EPSTI1: variants seen among roughly 807,000 people sequenced by gnomAD.
The protein encoded by EPSTI1 is epithelial-stromal interaction protein 1.
Under a neutral mutation model 49.9 loss-of-function variants are expected in EPSTI1, and 66 were observed. The observed-to-expected ratio is 1.32, with a 90% CI of 1.08 to 1.62. EPSTI1 has a LOEUF of 1.62. Ranked by LOEUF, EPSTI1 falls within the 40% of genes most tolerant of loss-of-function variation. The pLI, the probability that EPSTI1 is intolerant of heterozygous loss-of-function variation, is 0.00. For missense variants in EPSTI1, 394 were observed against 365.5 expected, an observed-to-expected ratio of 1.08 and a Z score of -0.64; for synonymous variants, 137 against 130.7, an observed-to-expected ratio of 1.05 and a Z score of -0.33.
rs755335252 is a variant in EPSTI1, at chr13:42,992,207, G to A, written c.-42C>T. 4.7e-6 allele frequency: 7 copies of A among 1,498,102 alleles called. No homozygotes were observed. Among genetic ancestry groups the A allele is most frequent in the Non-Finnish European group, 6.2e-6 (7 of 1,123,348 alleles). The allele number at this position is 1,498,102 out of a possible 1,614,324, so 92.8% of individuals were successfully genotyped here. ...GTCCCGGGCCGCCGTCGCTGCGGGA[G>A]GGATGCGGCTGGGACGCTTAGCGAG... On this transcript the variant is annotated 5_prime_UTR_variant, in exon 1 of 11. Coordinates refer to ENST00000313624, the MANE Select transcript of EPSTI1 (RefSeq NM_033255.5).
chr13:42,971,202 G>C (rs2039758855), intron 1 of EPSTI1, among the ~76,000 whole-genome samples: 1 of 152,090 alleles, frequency 6.6e-6, no homozygotes, highest in African/African-American at 2.4e-5. Context: ...CATAATCAGG[G>C]GCTCGGAGAA....
At chr13:42,940,797 T>C (rs1039077030) in intron 6 of EPSTI1, among the ~76,000 whole-genome samples, 1 of 152,234 alleles carries the variant, frequency 6.6e-6, no homozygotes, top group African/African-American at 2.4e-5. Flanking sequence ...TATCAATCCA[T>C]TGATATTTTT....
chr13:42,938,525 C>G (rs1001047085), intron 6 of EPSTI1, among the ~76,000 whole-genome samples: 7 of 152,074 alleles, frequency 4.6e-5, no homozygotes, highest in African/African-American at 1.7e-4. Context: ...AAAAGTTAGC[C>G]TGTCCTTAGA....
intron 3 of EPSTI1, among the ~76,000 whole-genome samples, chr13:42,965,124 G>A (rs573712102): frequency 6.6e-6 from 1 of 152,228 alleles, no homozygotes; most frequent in Admixed American, 6.5e-5. Context: ...AAAACAGTAA[G>A]GAATGTTGAC....
chr13:42,979,937 A>G (rs1350659480), intron 1 of EPSTI1, among the ~76,000 whole-genome samples: 1 of 152,032 alleles, frequency 6.6e-6, no homozygotes, highest in Non-Finnish European at 1.5e-5. Flanking sequence ...CCTAGATCCA[A>G]TTATGGATTA....
chr13:42,959,773 A>C (rs1180474258), intron 5 of EPSTI1, among the ~76,000 whole-genome samples: 2 of 152,200 alleles, frequency 1.3e-5, no homozygotes, highest in Non-Finnish European at 2.9e-5. Flanking sequence ...TGAGGTTATG[A>C]TACCAAGAGG....
intron 1 of EPSTI1, among the ~76,000 whole-genome samples, chr13:42,974,786 T>C (rs2039849073): frequency 6.6e-6 from 1 of 152,218 alleles, no homozygotes; most frequent in African/African-American, 2.4e-5. Flanking sequence ...TATGTTGAAG[T>C]TATCAAAAAT....
intron 7 of EPSTI1, among the ~76,000 whole-genome samples, chr13:42,919,836 C>T (rs930584215): frequency 6.6e-6 from 1 of 152,180 alleles, no homozygotes; most frequent in African/African-American, 2.4e-5. Context: ...TTTGCTAGGG[C>T]TTCCATAACA....
rs2039188237 is a variant in EPSTI1 at position 42,954,134 on chromosome 13, A to AT, written c.490-114dup. On this transcript the variant is annotated intron_variant, in intron 5 of 10. Coordinates refer to ENST00000313624, the MANE Select transcript of EPSTI1 (RefSeq NM_033255.5). ...AGGTTCAACTGGCCTTGATAGTCTA[A>AT]TACAGTATCCTGCTAGAGGCTCCAA... 3 of 783,570 alleles carry AT rather than the reference A, an allele frequency of 3.8e-6. No individual in the cohort carries two copies. The South Asian group carries it at 5.4e-5, about 14-fold the overall frequency. 48.5% of individuals were successfully genotyped at this position (783,570 alleles called of 1,614,324 possible).
chr13:42,900,283 G>A (rs149173137), intron 9 of EPSTI1, 27 bp downstream of exon 9: 18,288 of 1,597,504 alleles, frequency 0.011, 144 homozygotes, highest in Non-Finnish European at 0.012. Context: ...TTTAACCAAG[G>A]ATGCTTATTT....
At position 42,971,722 on chromosome 13, in the gene EPSTI1, T is replaced by G. The variant is rs2039772655; in HGVS notation, c.189-1052A>C. Among the ~76,000 whole-genome samples the G allele has an allele frequency of 2.0e-5, 3 of 152,236 alleles. No homozygotes were observed. The South Asian group carries it at 6.2e-4, about 32-fold the overall frequency. ...ATTGAACTGTAGAGGCCAAAAGCAC[T>G]GATCAACAGAAGCCATTTCCTTCCT... On this transcript the variant is annotated intron_variant, in intron 1 of 10. Transcript: ENST00000313624.
chr13:42,913,149 T>TA lies in EPSTI1; in HGVS notation c.741+4391dup, dbSNP rs202137916. Among the ~76,000 whole-genome samples the TA allele has an allele frequency of 2.9e-4, 43 of 148,550 alleles. 1 individual carries two copies. The highest frequency in any genetic ancestry group is 4.7e-4 in the African/African-American group (19 of 40,624). On this transcript the variant is annotated intron_variant, in intron 8 of 10. Coordinates refer to ENST00000313624, the MANE Select transcript of EPSTI1 (RefSeq NM_033255.5). ...AATAAAACAGAGAATTCAGTGTCAG[T>TA]AAAAAAAAAGAAAACTAATAAAAAG...
chr13:42,942,849 C>T (rs976855247), intron 6 of EPSTI1, among the ~76,000 whole-genome samples: 122 of 151,484 alleles, frequency 8.1e-4, no homozygotes, highest in Non-Finnish European at 1.0e-3. Flanking sequence ...CCACCGCGCC[C>T]GGCTAATTTT....
Position 42,953,961 on chromosome 13 carries a change from C to G in EPSTI1, c.550G>C (p.Glu184Gln). The G allele has an allele frequency of 6.2e-7, 1 of 1,612,882 alleles. No homozygotes were observed. Among genetic ancestry groups the G allele is most frequent in the Non-Finnish European group, 8.5e-7 (1 of 1,179,804 alleles). ...ACATTAACTTACTATTGCTGATGCT[C>G]TCTAAATGCTTCTCTTCTAAGGTTT... is the stretch of plus-strand genomic sequence containing the variant. The part of the protein sequence containing the change: ...QENLRREAFR[E>Q]HQQYKTAEFL... The change falls in exon 6 of 11, where the codon GAG (glutamate) becomes CAG (glutamine). Residue 184 changes from glutamate to glutamine, a missense_variant. Transcript: ENST00000313624.
At chr13:42,977,225 A>T (rs1321902860) in intron 1 of EPSTI1, among the ~76,000 whole-genome samples, 3 of 152,240 alleles carry the variant, frequency 2.0e-5, no homozygotes, top group Admixed American at 1.3e-4. Context: ...CTGAGACAAC[A>T]TAATCATATG....
Position 42,886,859 on chromosome 13 carries a change from G to GAA in EPSTI1, c.*1633_*1634dup, listed in dbSNP as rs2153406240. The GAA allele has an allele frequency of 6.6e-6, 1 of 152,302 alleles. No individual in the cohort carries two copies. The highest frequency in any genetic ancestry group is 1.9e-4 in the East Asian group (1 of 5,188). 9.4% of individuals were successfully genotyped at this position (152,302 alleles called of 1,614,324 possible). On this transcript the variant is annotated 3_prime_UTR_variant, in exon 11 of 11. Transcript: ENST00000313624. ...GCAGGGTAGGCCAGGCAGTGGAGGA[G>GAA]AAATTGACACCAACTTCCCTGAGAG...
chr13:42,992,061 G>T lies in EPSTI1; in HGVS notation c.105C>A (p.Ser35Arg). The T allele has an allele frequency of 6.2e-7, 1 of 1,613,390 alleles. No individual in the cohort carries two copies. Among genetic ancestry groups the T allele is most frequent in the Non-Finnish European group, 8.5e-7 (1 of 1,180,022 alleles). ...QDPSGRQGEL[S>R]PVEDQREGLE... ...AACCCTCTCTCTGGTCTTCCACGGG[G>T]CTCAGCTCCCCTTGCCGCCCAGAAG... The change falls in exon 1 of 11, where the codon AGC (serine) becomes AGA (arginine). Residue 35 changes from serine to arginine, a missense_variant. Transcript: ENST00000313624.
intron 1 of EPSTI1, among the ~76,000 whole-genome samples, chr13:42,981,396 T>C (rs903407731): frequency 6.6e-6 from 1 of 152,224 alleles, no homozygotes; most frequent in African/African-American, 2.4e-5. Context: ...CTGATTATTG[T>C]TAGTAATATG....
rs891281994 is a variant in EPSTI1, at chr13:42,922,813, G to A, written c.657+3523C>T. 6.6e-6 allele frequency among the ~76,000 whole-genome samples: 1 copy of A among 152,232 alleles called. No individual in the cohort carries two copies. The highest frequency in any genetic ancestry group is 1.5e-5 in the Non-Finnish European group (1 of 68,048). On this transcript the variant is annotated intron_variant, in intron 7 of 10. Transcript: ENST00000313624. The surrounding 1 kb of genome is among the most constrained non-coding windows in gnomAD (Gnocchi z 4.8). Reference sequence around the variant, plus strand: ...GCTCACAGTAGTGTGAGAGAGGAGAGCTGGAGAGGCATGAGCTATAGAGCT... The same window carrying A: ...GCTCACAGTAGTGTGAGAGAGGAGAACTGGAGAGGCATGAGCTATAGAGCT...
Sources: allele counts gnomAD v4.1 joint callset (sites outside exome capture counted in the v4.1 genomes callset), GRCh38; gene constraint gnomAD v4.1.1; non-coding constraint Gnocchi (gnomAD v3.1); transcripts MANE v1.5; gene names NCBI Gene and HGNC (gene_info 2026-07-23, HGNC 2026-07-21).